RIPOR1: variants seen among roughly 807,000 people sequenced by gnomAD.
RIPOR1 encodes rho family-interacting cell polarization regulator 1.
A neutral mutation model predicts 116.5 loss-of-function variants in RIPOR1; 58 were observed. The observed-to-expected ratio is 0.50, with a 90% CI of 0.40 to 0.62. RIPOR1 has a LOEUF of 0.62. RIPOR1 is among the 20% of genes least tolerant of loss of function. RIPOR1 has a pLI of 0.00. For missense variants in RIPOR1, 1,372 were observed against 1,586.2 expected (o/e 0.86, Z 2.29); for synonymous variants, 605 against 650.0 (o/e 0.93, Z 1.05).
chr16:67,543,535 G>A lies in RIPOR1; in HGVS notation c.2600+66G>A. On this transcript the variant is annotated intron_variant, in intron 14 of 21. Coordinates refer to ENST00000042381, the MANE Select transcript of RIPOR1 (RefSeq NM_024519.4). This position sits in a 1 kb window ranked among gnomAD's most constrained non-coding sequence, Gnocchi z 4.7. ...GGGAAAAGGTGAGGCAGGACCAGGG[G>A]AAGGTGGAACAGGTGAATTGGGAGA... 6.5e-7 allele frequency: 1 copy of A among 1,536,768 alleles called. No homozygotes were observed. The highest frequency in any genetic ancestry group is 1.2e-5 in the South Asian group (1 of 83,756).
rs1370181410 is a variant in RIPOR1 at position 67,531,017 on chromosome 16, A to T, written c.-24+2103A>T. Among the ~76,000 whole-genome samples, 2 of 152,116 alleles carry T rather than the reference A, an allele frequency of 1.3e-5. No individual in the cohort carries two copies. Among genetic ancestry groups the T allele is most frequent in the Admixed American group, 1.3e-4 (2 of 15,286 alleles). Reference sequence around the variant, plus strand: ...GATGGTCATTTGTACCAACAGTTAGACATCCTAGTTCCTATGGGACTCGGG... The same window carrying T: ...GATGGTCATTTGTACCAACAGTTAGTCATCCTAGTTCCTATGGGACTCGGG... On this transcript the variant is annotated intron_variant, in intron 1 of 21. Transcript: ENST00000042381. This position sits in a 1 kb window ranked among gnomAD's most constrained non-coding sequence, Gnocchi z 4.2.
In RIPOR1 at chr16:67,531,930, C is replaced by T. The variant is rs560804134; in HGVS notation, c.-24+3016C>T. 9.2e-5 allele frequency among the ~76,000 whole-genome samples: 14 copies of T among 152,258 alleles called. No individual in the cohort carries two copies. Among genetic ancestry groups the T allele is most frequent in the Non-Finnish European group, 1.6e-4 (11 of 68,026 alleles). On this transcript the variant is annotated intron_variant, in intron 1 of 21. Transcript: ENST00000042381. This position sits in a 1 kb window ranked among gnomAD's most constrained non-coding sequence, Gnocchi z 4.2. ...TTTTTGAGACAGAGTCTCGCTCTGTCGCCCAGGCTGGAGTGTAGTGGTGAG... is the reference window on the plus strand; with the variant it reads ...TTTTTGAGACAGAGTCTCGCTCTGTTGCCCAGGCTGGAGTGTAGTGGTGAG...
At chr16:67,526,244 C>A (rs2050538887), upstream of RIPOR1, among the ~76,000 whole-genome samples, 1 of 152,086 alleles carries the variant, frequency 6.6e-6, no homozygotes, top group East Asian at 1.9e-4. Flanking sequence ...GCATCCTAGG[C>A]AGAAGGGAGG....
rs1282292921 is a variant in RIPOR1, at chr16:67,538,765, C to G, written c.198C>G (p.Ala66=). 1 of 1,613,596 alleles carries G rather than the reference C, an allele frequency of 6.2e-7. No individual in the cohort carries two copies. Among genetic ancestry groups the G allele is most frequent in the Admixed American group, 1.7e-5 (1 of 60,026 alleles). The change falls in exon 3 of 22, where the codon GCC becomes GCG. Residue 66 remains alanine, a synonymous_variant. Coordinates refer to ENST00000042381, the MANE Select transcript of RIPOR1 (RefSeq NM_024519.4). ...SRMFSVAHPA[A]KVPQPERLDL... ...TGTTTTCCGTGGCTCACCCAGCCGCCAAGGTGCCGCAGCCCGAGCGGCTGG... is the reference window on the plus strand; with the variant it reads ...TGTTTTCCGTGGCTCACCCAGCCGCGAAGGTGCCGCAGCCCGAGCGGCTGG...
At chr16:67,539,189 G>A in intron 4 of RIPOR1, 121 bp downstream of exon 4, 1 of 808,834 alleles carries the variant, frequency 1.2e-6, no homozygotes, top group Non-Finnish European at 1.9e-6. Flanking sequence ...GAGTAGAAAA[G>A]GGGATATCAG....
In RIPOR1 at chr16:67,540,119, C is replaced by T. The variant is rs201301988; in HGVS notation, c.481C>T (p.Arg161Cys). The T allele has an allele frequency of 1.7e-4, 279 of 1,614,064 alleles. 1 individual carries two copies. Among genetic ancestry groups the T allele is most frequent in the African/African-American group, 1.1e-4 (8 of 74,912 alleles). ...RLRDGAYNMV[R>C]AYTTGSPGSR... The stretch of plus-strand genomic sequence containing the variant: ...CCGGGATGGTGCCTACAACATGGTC[C>T]GTGCCTACACCACTGGGTCCCCGGG... Residue 161 changes from arginine to cysteine, a missense_variant, in exon 7 of 22, where the codon CGT becomes TGT. Coordinates refer to ENST00000042381, the MANE Select transcript of RIPOR1 (RefSeq NM_024519.4). This position sits in a 1 kb window ranked among gnomAD's most constrained non-coding sequence, Gnocchi z 4.7.
intron 1 of RIPOR1, among the ~76,000 whole-genome samples, chr16:67,520,736 G>A (rs1262618911): frequency 1.3e-5 from 2 of 152,014 alleles, no homozygotes; most frequent in African/African-American, 2.4e-5. Context: ...GGAAGCAGAG[G>A]TGGCAGTGAG....
chr16:67,538,875 C>T (rs996252151), intron 3 of RIPOR1, 51 bp downstream of exon 3: 1 of 1,610,554 alleles, frequency 6.2e-7, no homozygotes. Flanking sequence ...TCCCCAAGCC[C>T]GCATCCTGCT....
At chr16:67,534,731 C>A (rs2050747898) in intron 1 of RIPOR1, among the ~76,000 whole-genome samples, 1 of 152,058 alleles carries the variant, frequency 6.6e-6, no homozygotes, top group African/African-American at 2.4e-5. Flanking sequence ...TCAGATCCAC[C>A]CATATTGTTG....
In RIPOR1 at chr16:67,531,698, A is replaced by G. The variant is rs147667650; in HGVS notation, c.-24+2784A>G. 3.0e-5 allele frequency: 13 copies of G among 439,244 alleles called. No individual in the cohort carries two copies. The highest frequency in any genetic ancestry group is 2.2e-4 in the African/African-American group (11 of 49,468). The allele number at this position is 439,244 out of a possible 1,614,324, so 27.2% of individuals were successfully genotyped here. A position where few individuals can be genotyped will look rare whatever the true frequency, so the allele number is the denominator to read the frequency against. ...GGACTGGGAGGAGAGGAGTGGTTGAAAGAATGTGAGGGACAGGACAAATCC... is the reference window on the plus strand; with the variant it reads ...GGACTGGGAGGAGAGGAGTGGTTGAGAGAATGTGAGGGACAGGACAAATCC... On this transcript the variant is annotated intron_variant, in intron 1 of 21. Transcript: ENST00000042381. This position sits in a 1 kb window ranked among gnomAD's most constrained non-coding sequence, Gnocchi z 4.2.
chr16:67,525,700 C>G (rs965178202), upstream of RIPOR1, among the ~76,000 whole-genome samples: 1 of 152,046 alleles, frequency 6.6e-6, no homozygotes, highest in Non-Finnish European at 1.5e-5. Context: ...ATGTGATCTC[C>G]CAGTGGTTAG....
At chr16:67,539,464 G>C (rs9934328) in intron 4 of RIPOR1, 102,480 of 572,212 alleles carry the variant, frequency 0.18, 16,412 homozygotes, top group African/African-American at 0.65. Flanking sequence ...CAAGGAAGCA[G>C]AGAGCTCTCC....
In RIPOR1 at chr16:67,530,512, A is replaced by AT. The variant is rs2142427224; in HGVS notation, c.-24+1603dup. ...CTTGCAGCCGCCCCTTGCCCAGGTT[A>AT]TTTTTAGCCTCTGTTTACCTCGGTC... is the stretch of plus-strand genomic sequence containing the variant. On this transcript the variant is annotated intron_variant, in intron 1 of 21. Coordinates refer to ENST00000042381, the MANE Select transcript of RIPOR1 (RefSeq NM_024519.4). The surrounding 1 kb of genome is among the most constrained non-coding windows in gnomAD (Gnocchi z 4.5). Among the ~76,000 whole-genome samples the AT allele has an allele frequency of 6.6e-6, 1 of 152,196 alleles. No individual in the cohort carries two copies. Among genetic ancestry groups the AT allele is most frequent in the Non-Finnish European group, 1.5e-5 (1 of 67,984 alleles).
At chr16:67,526,127 G>A (rs2050537773), upstream of RIPOR1, among the ~76,000 whole-genome samples, 1 of 152,188 alleles carries the variant, frequency 6.6e-6, no homozygotes, top group South Asian at 2.1e-4. Context: ...GGTGGTCACA[G>A]GCCTGGCCAT....
chr16:67,539,967 C>T (rs370605093), intron 6 of RIPOR1, 68 bp downstream of exon 6: 37 of 1,613,392 alleles, frequency 2.3e-5, no homozygotes, highest in Non-Finnish European at 3.1e-5. Flanking sequence ...AGGGGTGGTG[C>T]CAGGCCCTGG....
In RIPOR1 at chr16:67,545,898, G is replaced by A; in HGVS notation, c.3387+38G>A. ...GGGCTCCCTTGAGGGCGAGGGCTGGGGTCCTGGACTCCCACTGTCTGGCTA... is the reference window on the plus strand; with the variant it reads ...GGGCTCCCTTGAGGGCGAGGGCTGGAGTCCTGGACTCCCACTGTCTGGCTA... On this transcript the variant is annotated intron_variant, in intron 19 of 21. Coordinates refer to ENST00000042381, the MANE Select transcript of RIPOR1 (RefSeq NM_024519.4). The surrounding 1 kb of genome is among the most constrained non-coding windows in gnomAD (Gnocchi z 4.8). 1.2e-6 allele frequency: 2 copies of A among 1,612,656 alleles called. No homozygotes were observed. The highest frequency in any genetic ancestry group is 1.7e-4 in the Middle Eastern group (1 of 6,056).
chr16:67,526,782 G>A (rs1597613525), upstream of RIPOR1, among the ~76,000 whole-genome samples: 1 of 152,222 alleles, frequency 6.6e-6, no homozygotes, highest in East Asian at 1.9e-4. Context: ...GAGGGTGTCT[G>A]CAGAGAAAGT....
rs559606436 is a variant in RIPOR1 at position 67,519,570 on chromosome 16, T to C, written c.-24+957T>C. ...AAAGTGGGCATAGGGAAGAGGGGAC[T>C]CACTTGGTGGCTGGAGGGTGTCAGG... is the stretch of plus-strand genomic sequence containing the variant. On this transcript the variant is annotated intron_variant, in intron 1 of 1. Coordinates refer to the RIPOR1 transcript ENST00000562116. 2.6e-5 allele frequency among the ~76,000 whole-genome samples: 4 copies of C among 152,214 alleles called. No individual in the cohort carries two copies. In the South Asian group the frequency reaches 8.3e-4, roughly 32 times the overall value.
At chr16:67,534,593 C>T (rs2050744958) in intron 1 of RIPOR1, among the ~76,000 whole-genome samples, 2 of 152,148 alleles carry the variant, frequency 1.3e-5, no homozygotes, top group African/African-American at 2.4e-5. Flanking sequence ...CTGGAAGACC[C>T]TTGTGGCCTC....
Sources: gnomAD v4.1 joint callset for allele counts (sites outside exome capture counted in the v4.1 genomes callset) on GRCh38, gnomAD v4.1.1 for gene constraint, Gnocchi (gnomAD v3.1) non-coding constraint, MANE v1.5 for transcripts, NCBI Gene and HGNC (gene_info 2026-07-23, HGNC 2026-07-21) for gene names.